The following SAMD3 variants were observed in gnomAD, a reference collection of about 807,000 sequenced individuals.
SAMD3 encodes the protein sterile alpha motif domain-containing protein 3.
A neutral mutation model predicts 58.5 loss-of-function variants in SAMD3; 63 were observed. The ratio of observed to expected loss-of-function variants is 1.08; its 90% CI spans 0.88 to 1.33. SAMD3 has a LOEUF of 1.33. Ranked by LOEUF, SAMD3 falls within the 40% of genes most tolerant of loss-of-function variation. The pLI, the probability that SAMD3 is intolerant of heterozygous loss-of-function variation, is 0.00. For missense variants in SAMD3, 604 were observed against 608.4 expected (o/e 0.99, Z 0.08); for synonymous variants, 220 against 210.3 (o/e 1.05, Z -0.40).
chr6:130,275,313 AT>A (rs1774737216), intron 2 of SAMD3, among the ~76,000 whole-genome samples: 1 of 152,148 alleles, frequency 6.6e-6, no homozygotes, highest in Admixed American at 6.5e-5. Context: ...AGCATTTTAA[AT>A]TTTATTGACA....
chr6:130,301,803 C>A (rs1325575549), intron 2 of SAMD3, among the ~76,000 whole-genome samples: 1 of 152,124 alleles, frequency 6.6e-6, no homozygotes, highest in Non-Finnish European at 1.5e-5. Context: ...GCCACACCTA[C>A]AACCAACTGG....
At chr6:130,336,550 A>G (rs1185653681) in intron 1 of SAMD3, among the ~76,000 whole-genome samples, 1 of 152,142 alleles carries the variant, frequency 6.6e-6, no homozygotes, top group Non-Finnish European at 1.5e-5. Context: ...CCATTCTCAT[A>G]TTTGTGTTTC....
chr6:130,311,974 G>C (rs571689416), intron 2 of SAMD3, among the ~76,000 whole-genome samples: 5 of 152,192 alleles, frequency 3.3e-5, no homozygotes, highest in South Asian at 4.2e-4. Flanking sequence ...GCATCCCTTT[G>C]CTTCTCCCCC....
intron 5 of SAMD3, among the ~76,000 whole-genome samples, chr6:130,195,040 A>G (rs1486112179): frequency 2.6e-5 from 4 of 152,138 alleles, no homozygotes; most frequent in South Asian, 2.1e-4. Context: ...GTGCCAACTT[A>G]GACAATACTC....
chr6:130,314,462 CA>C (rs1776290992), intron 1 of SAMD3, among the ~76,000 whole-genome samples: 1 of 152,144 alleles, frequency 6.6e-6, no homozygotes, highest in African/African-American at 2.4e-5. Context: ...CCCACAAAAT[CA>C]AAGGCATACG....
rs922693188 is a variant in SAMD3 at position 130,259,941 on chromosome 6, C to T, written c.-187-37128G>A. ...CATTTAGTTCTCTGCAATTTTATCA[C>T]GTGTTTCAGGTATCTACCACAGTCA... On this transcript the variant is annotated intron_variant, in intron 2 of 13. Transcript: ENST00000368134. Among the ~76,000 whole-genome samples, 10 of 152,232 alleles carry T rather than the reference C, an allele frequency of 6.6e-5. No homozygotes were observed. In the South Asian group the frequency reaches 1.0e-3, roughly 16 times the overall value.
chr6:130,313,944 G>C (rs190991436), intron 1 of SAMD3, among the ~76,000 whole-genome samples: 126 of 152,286 alleles, frequency 8.3e-4, no homozygotes, highest in Middle Eastern at 6.8e-3. Context: ...TCTCTCATCT[G>C]CTGTTATCTG....
intron 2 of SAMD3, among the ~76,000 whole-genome samples, chr6:130,266,044 C>T (rs1369826038): frequency 6.6e-6 from 1 of 152,072 alleles, no homozygotes; most frequent in East Asian, 1.9e-4. Flanking sequence ...TCAGTGTAAC[C>T]CCTTAGAACT....
At chr6:130,319,792 A>G (rs1384460567) in intron 1 of SAMD3, among the ~76,000 whole-genome samples, 1 of 152,226 alleles carries the variant, frequency 6.6e-6, no homozygotes, top group Admixed American at 6.5e-5. Context: ...AAAACCAAAT[A>G]TTGTGGGGTT....
chr6:130,343,644 G>C (rs1777343367), intron 1 of SAMD3, among the ~76,000 whole-genome samples: 2 of 152,072 alleles, frequency 1.3e-5, no homozygotes, highest in Admixed American at 6.6e-5. Context: ...CAGGAGAAAA[G>C]GTATCAGTGC....
intron 5 of SAMD3, among the ~76,000 whole-genome samples, chr6:130,187,187 G>T (rs1050972198): frequency 6.6e-6 from 1 of 152,088 alleles, no homozygotes; most frequent in African/African-American, 2.4e-5. Context: ...GCTGCCTGCC[G>T]GGTCCAGGTT....
intron 2 of SAMD3, among the ~76,000 whole-genome samples, chr6:130,270,209 A>T (rs74881681): frequency 2.6e-5 from 4 of 152,164 alleles, no homozygotes; most frequent in Middle Eastern, 3.4e-3. Flanking sequence ...TTTGTGCCTC[A>T]GCCTCCAGAG....
intron 8 of SAMD3, among the ~76,000 whole-genome samples, chr6:130,156,040 C>G (rs1789750344): frequency 6.6e-6 from 1 of 151,818 alleles, no homozygotes; most frequent in Non-Finnish European, 1.5e-5. Flanking sequence ...CAAAATTTTT[C>G]AAGAAAAAGG....
chr6:130,203,071 G>A (rs1033028459), intron 5 of SAMD3, among the ~76,000 whole-genome samples: 1 of 152,166 alleles, frequency 6.6e-6, no homozygotes, highest in African/African-American at 2.4e-5. Flanking sequence ...TGAAGCATAT[G>A]CTCCTCTTGT....
chr6:130,273,485 T>C (rs1238022163), intron 2 of SAMD3, among the ~76,000 whole-genome samples: 2 of 152,148 alleles, frequency 1.3e-5, no homozygotes, highest in African/African-American at 4.8e-5. Flanking sequence ...CTTTAATCCA[T>C]TTATATTTAA....
At chr6:130,235,424 G>T (rs1773114119) in intron 2 of SAMD3, among the ~76,000 whole-genome samples, 1 of 152,124 alleles carries the variant, frequency 6.6e-6, no homozygotes, top group African/African-American at 2.4e-5. Context: ...GAATTTAATA[G>T]TGGCTTTTTC....
At chr6:130,177,317 G>A (rs1294065221) in intron 7 of SAMD3, among the ~76,000 whole-genome samples, 3 of 152,118 alleles carry the variant, frequency 2.0e-5, no homozygotes, top group African/African-American at 7.2e-5. Flanking sequence ...GTCTTCCTAG[G>A]CCATGTTGAG....
intron 2 of SAMD3, among the ~76,000 whole-genome samples, chr6:130,294,118 G>GT (rs1775476368): frequency 6.6e-6 from 1 of 152,154 alleles, no homozygotes. Context: ...TGAAGAGCTA[G>GT]TAAGCAAGAA....
chr6:130,215,053 G>A, intron 3 of SAMD3, 142 bp downstream of exon 3: 1 of 485,420 alleles, frequency 2.1e-6, no homozygotes, highest in Non-Finnish European at 3.7e-6. Flanking sequence ...ATAAAGAAAT[G>A]AAAAGTTCTC....
Sources: allele counts gnomAD v4.1 joint callset (sites outside exome capture counted in the v4.1 genomes callset), GRCh38; gene constraint gnomAD v4.1.1; transcripts MANE v1.5; gene names NCBI Gene and HGNC (gene_info 2026-07-23, HGNC 2026-07-21).